Variants in PCGF5 observed in about 807,000 individuals in gnomAD.
The protein encoded by PCGF5 is polycomb group ring finger 5.
Under a neutral mutation model 44.3 loss-of-function variants are expected in PCGF5, and 9 were observed. The observed-to-expected ratio is 0.20, with a 90% CI of 0.12 to 0.35. The LOEUF (loss-of-function observed/expected upper bound fraction) is 0.35. Among genes scored for constraint, PCGF5 ranks in the 10% least tolerant of loss-of-function variants. PCGF5 has a pLI of 1.00. For synonymous variants in PCGF5, 95 were observed against 102.5 expected, an observed-to-expected ratio of 0.93 and a Z score of 0.44; for missense variants, 146 against 305.3, an observed-to-expected ratio of 0.48 and a Z score of 3.89.
chr10:91,192,395 G>A (rs1034722664), intron 1 of PCGF5, among the ~76,000 whole-genome samples: 2 of 152,106 alleles, frequency 1.3e-5, no homozygotes, highest in Non-Finnish European at 2.9e-5. Context: ...TCATTAATAA[G>A]AACTAAGCTA....
At chr10:91,188,333 A>T (rs1018015938) in intron 1 of PCGF5, among the ~76,000 whole-genome samples, 1 of 152,228 alleles carries the variant, frequency 6.6e-6, no homozygotes, top group Non-Finnish European at 1.5e-5. Flanking sequence ...CAGTACCTGG[A>T]AAAGCAGATG....
intron 1 of PCGF5, among the ~76,000 whole-genome samples, chr10:91,168,359 G>A (rs1049611597): frequency 2.0e-5 from 3 of 152,164 alleles, no homozygotes; most frequent in Non-Finnish European, 2.9e-5. Flanking sequence ...AGGAGATTTC[G>A]AAGGATCCTG....
At chr10:91,197,572 T>G (rs1371297429) in intron 1 of PCGF5, among the ~76,000 whole-genome samples, 1 of 152,112 alleles carries the variant, frequency 6.6e-6, no homozygotes, top group Non-Finnish European at 1.5e-5. Flanking sequence ...TCACCAAAGT[T>G]AAATGACTGG....
At chr10:91,234,877 C>G (rs7917134) in intron 2 of PCGF5, among the ~76,000 whole-genome samples, 19,822 of 152,174 alleles carry the variant, frequency 0.13, 2,421 homozygotes, top group African/African-American at 0.32. Context: ...TCTGCCTCAA[C>G]ATTATCTGGA....
At chr10:91,220,028 T>C (rs1393103093), upstream of PCGF5, 2 of 152,228 alleles carry the variant, frequency 1.3e-5, no homozygotes, top group Non-Finnish European at 2.9e-5. Context: ...TGAAGGTTTT[T>C]GCAGTGAATG....
At chr10:91,206,740 A>T (rs1328190680) in intron 1 of PCGF5, among the ~76,000 whole-genome samples, 2 of 152,126 alleles carry the variant, frequency 1.3e-5, no homozygotes, top group Admixed American at 1.3e-4. Flanking sequence ...CTCTGTTGCT[A>T]TCTGCACCTA....
At chr10:91,221,553 C>T (rs1844680230) in intron 1 of PCGF5, among the ~76,000 whole-genome samples, 2 of 152,298 alleles carry the variant, frequency 1.3e-5, no homozygotes, top group South Asian at 4.1e-4. Flanking sequence ...CTATTCCCTG[C>T]ACATTCGCAG....
At chr10:91,218,433 G>A (rs971287031), upstream of PCGF5, among the ~76,000 whole-genome samples, 1 of 151,864 alleles carries the variant, frequency 6.6e-6, no homozygotes, top group Non-Finnish European at 1.5e-5. Context: ...TGTAGCTTCC[G>A]TCATTTGTCC....
upstream of PCGF5, among the ~76,000 whole-genome samples, chr10:91,218,540 C>T (rs1201526403): frequency 6.6e-6 from 1 of 152,128 alleles, no homozygotes; most frequent in African/African-American, 2.4e-5. Context: ...GCTGAAAGTC[C>T]CATGTTTTAA....
intron 2 of PCGF5, among the ~76,000 whole-genome samples, chr10:91,224,569 G>A (rs892598386): frequency 2.6e-5 from 4 of 152,150 alleles, no homozygotes; most frequent in Non-Finnish European, 5.9e-5. Context: ...AGACATGGAG[G>A]TAATTTATAG....
rs568792634 is a variant in PCGF5 at position 91,224,220 on chromosome 10, G to A, written c.112+1237G>A. 5.9e-5 allele frequency among the ~76,000 whole-genome samples: 9 copies of A among 152,270 alleles called. No homozygotes were observed. The East Asian group carries it at 1.7e-3, about 29-fold the overall frequency. On this transcript the variant is annotated intron_variant, in intron 2 of 9. Coordinates refer to ENST00000336126, the MANE Select transcript of PCGF5 (RefSeq NM_032373.5). ...GGTAAGGCCTGGGCATGCATATTTT[G>A]GAAGAGCTCCCCAAGTGATGCTGAT...
chr10:91,205,073 G>T (rs1362748405), intron 1 of PCGF5, among the ~76,000 whole-genome samples: 2 of 151,998 alleles, frequency 1.3e-5, no homozygotes, highest in African/African-American at 4.8e-5. Context: ...CACAGTTTAG[G>T]TTGCTAATTC....
intron 1 of PCGF5, among the ~76,000 whole-genome samples, chr10:91,170,286 T>A (rs964472888): frequency 4.6e-5 from 7 of 152,194 alleles, no homozygotes; most frequent in Non-Finnish European, 8.8e-5. Flanking sequence ...CATAAAAATT[T>A]AAAAATTTCT....
intron 8 of PCGF5, among the ~76,000 whole-genome samples, chr10:91,267,031 T>C (rs1372573215): frequency 6.6e-6 from 1 of 152,064 alleles, no homozygotes; most frequent in African/African-American, 2.4e-5. Context: ...TTAATTTAGG[T>C]AAAATTCAGA....
chr10:91,228,183 G>T (rs1240118347), intron 2 of PCGF5, among the ~76,000 whole-genome samples: 2 of 151,574 alleles, frequency 1.3e-5, no homozygotes, highest in East Asian at 3.9e-4. Context: ...GGTGACCCTG[G>T]TGAAAAGAGA....
intron 3 of PCGF5, among the ~76,000 whole-genome samples, chr10:91,247,527 C>G (rs555144597): frequency 9.7e-5 from 14 of 143,638 alleles, no homozygotes; most frequent in Middle Eastern, 7.8e-3. Context: ...TGAGAAACCT[C>G]TATGTGTTTG....
chr10:91,210,920 C>T (rs1357134834), intron 1 of PCGF5, among the ~76,000 whole-genome samples: 1 of 152,104 alleles, frequency 6.6e-6, no homozygotes, highest in Admixed American at 6.5e-5. Flanking sequence ...TTTTCAGACA[C>T]GAAGAATTAT....
intron 2 of PCGF5, among the ~76,000 whole-genome samples, chr10:91,233,438 T>G (rs977675568): frequency 3.3e-5 from 5 of 152,174 alleles, no homozygotes; most frequent in African/African-American, 9.7e-5. Flanking sequence ...AAATAAAGTG[T>G]TGTACTCGGT....
intron 3 of PCGF5, among the ~76,000 whole-genome samples, chr10:91,244,781 A>G (rs1357158505): frequency 1.3e-5 from 2 of 152,138 alleles, no homozygotes; most frequent in Non-Finnish European, 2.9e-5. Flanking sequence ...AAAGAGTTGA[A>G]CATGACTTTA....
Sources: gnomAD v4.1 joint callset for allele counts (sites outside exome capture counted in the v4.1 genomes callset) on GRCh38, gnomAD v4.1.1 for gene constraint, MANE v1.5 for transcripts, NCBI Gene and HGNC (gene_info 2026-07-23, HGNC 2026-07-21) for gene names.